CLVS1: variants seen among roughly 807,000 people sequenced by gnomAD.
CLVS1 encodes clavesin-1.
CLVS1 carries 10 observed loss-of-function variants against 33.1 expected under a neutral mutation model. That is an observed-to-expected ratio of 0.30 (90% CI 0.19 to 0.51). CLVS1 has a LOEUF of 0.51. Among genes scored for constraint, CLVS1 ranks in the 20% least tolerant of loss-of-function variants. The probability of loss-of-function intolerance (pLI) is 0.97; values close to 1 mark genes in which losing one functional copy is unlikely to be tolerated. For missense variants in CLVS1, 343 were observed against 433.4 expected, an observed-to-expected ratio of 0.79 and a Z score of 1.85; for synonymous variants, 163 against 166.1, an observed-to-expected ratio of 0.98 and a Z score of 0.14.
intron 2 of CLVS1, among the ~76,000 whole-genome samples, chr8:61,151,679 A>G (rs1486242398): frequency 1.3e-5 from 2 of 152,184 alleles, no homozygotes; most frequent in Non-Finnish European, 2.9e-5. Flanking sequence ...TGATGAGTCC[A>G]ACTTTGGATG....
the CLVS1 span, among the ~76,000 whole-genome samples, chr8:61,006,425 GATGGCC>G: frequency 6.6e-6 from 1 of 152,184 alleles, no homozygotes; most frequent in Admixed American, 6.5e-5. Context: ...GACCAGATCA[GATGGCC>G]CGAGGAGGAG....
chr8:61,173,484 T>C (rs963636006), intron 2 of CLVS1, among the ~76,000 whole-genome samples: 2 of 152,242 alleles, frequency 1.3e-5, no homozygotes, highest in Admixed American at 1.3e-4. Flanking sequence ...AGGCATTTAA[T>C]GCTGTGAACT....
At chr8:61,498,873 G>C (rs1435431597) in intron 5 of CLVS1, among the ~76,000 whole-genome samples, 1 of 152,166 alleles carries the variant, frequency 6.6e-6, no homozygotes, top group Non-Finnish European at 1.5e-5. Context: ...CTGATTCATG[G>C]TCTTAACATC....
At chr8:61,081,031 G>T (rs527380137) in intron 1 of CLVS1, among the ~76,000 whole-genome samples, 24 of 152,332 alleles carry the variant, frequency 1.6e-4, no homozygotes, top group African/African-American at 5.8e-4. Context: ...TACAATCTTA[G>T]TTTGGTTGGG....
At chr8:61,196,828 A>G (rs1039526542) in intron 2 of CLVS1, among the ~76,000 whole-genome samples, 1 of 152,240 alleles carries the variant, frequency 6.6e-6, no homozygotes, top group Admixed American at 6.5e-5. Context: ...ACTAGAGAAC[A>G]TGTTTCTCAG....
chr8:61,353,975 G>A (rs1812582604), intron 2 of CLVS1, among the ~76,000 whole-genome samples: 1 of 151,822 alleles, frequency 6.6e-6, no homozygotes, highest in African/African-American at 2.4e-5. Flanking sequence ...TCCTCATAAA[G>A]TCAATAACTT....
chr8:61,402,904 G>A (rs1814825751), intron 3 of CLVS1, among the ~76,000 whole-genome samples: 1 of 152,144 alleles, frequency 6.6e-6, no homozygotes, highest in South Asian at 2.1e-4. Context: ...ACTGGGGAGA[G>A]GCAGACAAAA....
the CLVS1 span, among the ~76,000 whole-genome samples, chr8:61,038,476 G>A: frequency 2.5e-4 from 36 of 144,150 alleles, no homozygotes; most frequent in South Asian, 9.0e-4. Flanking sequence ...ATATATACAC[G>A]TATATATATA....
At chr8:61,033,063 GA>G in the CLVS1 span, among the ~76,000 whole-genome samples, 6 of 127,982 alleles carry the variant, frequency 4.7e-5, no homozygotes, top group African/African-American at 1.5e-4. Context: ...AAGAAAGATA[GA>G]AAGAAAGAAG....
At chr8:61,413,340 C>T (rs1242317418) in intron 3 of CLVS1, among the ~76,000 whole-genome samples, 2 of 152,122 alleles carry the variant, frequency 1.3e-5, no homozygotes, top group Non-Finnish European at 2.9e-5. Context: ...TTGTCCTGAA[C>T]CCCTATTAAC....
At chr8:61,343,474 A>G (rs1355476332) in intron 2 of CLVS1, among the ~76,000 whole-genome samples, 1 of 152,214 alleles carries the variant, frequency 6.6e-6, no homozygotes, top group Non-Finnish European at 1.5e-5. Flanking sequence ...TACTGCTGAG[A>G]GTTCCCAGGA....
chr8:60,998,670 C>T, the CLVS1 span, among the ~76,000 whole-genome samples: 10 of 152,048 alleles, frequency 6.6e-5, no homozygotes, highest in African/African-American at 1.9e-4. Context: ...GGGTTTGTTC[C>T]GGGTCTTTGG....
chr8:61,429,236 A>G (rs1003653319), intron 3 of CLVS1, among the ~76,000 whole-genome samples: 1 of 151,984 alleles, frequency 6.6e-6, no homozygotes, highest in Admixed American at 6.6e-5. Flanking sequence ...CCTGGCCAAC[A>G]TGGTGAAACC....
chr8:61,133,891 G>C (rs1319504023), intron 2 of CLVS1, among the ~76,000 whole-genome samples: 2 of 152,112 alleles, frequency 1.3e-5, no homozygotes, highest in African/African-American at 4.8e-5. Flanking sequence ...GCTCCAAATT[G>C]GGTGACAGAG....
chr8:61,405,931 C>T (rs903728489), intron 3 of CLVS1, among the ~76,000 whole-genome samples: 1 of 152,122 alleles, frequency 6.6e-6, no homozygotes, highest in Non-Finnish European at 1.5e-5. Context: ...AGAATGACTG[C>T]TATATAGAAA....
At chr8:61,225,873 C>T (rs946378056) in intron 2 of CLVS1, among the ~76,000 whole-genome samples, 1 of 152,168 alleles carries the variant, frequency 6.6e-6, no homozygotes, top group Non-Finnish European at 1.5e-5. Flanking sequence ...TGTCATTAAT[C>T]CCCAGGTTGC....
intron 1 of CLVS1, among the ~76,000 whole-genome samples, chr8:61,107,585 C>T (rs140433038): frequency 6.6e-5 from 10 of 152,344 alleles, no homozygotes; most frequent in African/African-American, 2.4e-4. Flanking sequence ...TTAATACCAT[C>T]ACCTTGGGTG....
At chr8:61,468,882 A>G (rs191754361) in intron 5 of CLVS1, among the ~76,000 whole-genome samples, 53 of 152,332 alleles carry the variant, frequency 3.5e-4, no homozygotes, top group Middle Eastern at 3.4e-3. Flanking sequence ...TACCAGGGGC[A>G]GAAAAGCACA....
intron 2 of CLVS1, among the ~76,000 whole-genome samples, chr8:61,301,520 T>C (rs1431846850): frequency 1.3e-5 from 2 of 152,250 alleles, no homozygotes; most frequent in Non-Finnish European, 2.9e-5. Context: ...GTGTAACAGC[T>C]ACCGTTATCA....
Sources: allele counts gnomAD v4.1 joint callset (sites outside exome capture counted in the v4.1 genomes callset), GRCh38; gene constraint gnomAD v4.1.1; transcripts MANE v1.5; gene names NCBI Gene and HGNC (gene_info 2026-07-23, HGNC 2026-07-21).